Variants in VPS13B observed in about 807,000 individuals in gnomAD.
VPS13B encodes the protein intermembrane lipid transfer protein VPS13B.
A neutral mutation model predicts 426.4 loss-of-function variants in VPS13B; 285 were observed. The ratio of observed to expected loss-of-function variants is 0.67; its 90% CI spans 0.61 to 0.74. The LOEUF (loss-of-function observed/expected upper bound fraction) is 0.74, where lower values mean the gene tolerates loss of function less well. Among genes scored for constraint, VPS13B ranks in the 30% least tolerant of loss-of-function variants. VPS13B has a pLI of 0.00. For missense variants in VPS13B, 4,537 were observed against 4,782.6 expected, an observed-to-expected ratio of 0.95 and a Z score of 1.51; for synonymous variants, 1,676 against 1,676.4, an observed-to-expected ratio of 1.00 and a Z score of 0.01.
At chr8:99,362,933 T>C (rs754452589) in intron 19 of VPS13B, among the ~76,000 whole-genome samples, 4 of 152,204 alleles carry the variant, frequency 2.6e-5, no homozygotes, top group African/African-American at 4.8e-5. Context: ...GTCAGATGAG[T>C]AGTTTGCAAA....
intron 30 of VPS13B, among the ~76,000 whole-genome samples, chr8:99,524,758 G>A (rs912281383): frequency 2.6e-5 from 4 of 152,050 alleles, no homozygotes; most frequent in South Asian, 2.1e-4. Context: ...ATACCCCCAC[G>A]CTCCAGCCTG....
chr8:99,506,885 C>G (rs1821527618), intron 27 of VPS13B, among the ~76,000 whole-genome samples: 1 of 152,166 alleles, frequency 6.6e-6, no homozygotes, highest in Non-Finnish European at 1.5e-5. Flanking sequence ...ATAGATGTTA[C>G]TCTTATCGAG....
intron 36 of VPS13B, 123 bp downstream of exon 36, chr8:99,700,055 A>G (rs1048808299): frequency 1.6e-6 from 2 of 1,212,194 alleles, no homozygotes; most frequent in Non-Finnish European, 2.3e-6. Flanking sequence ...GCCATTAGAG[A>G]TGAGGACATT....
At chr8:99,082,893 C>T (rs1050532314) in intron 3 of VPS13B, among the ~76,000 whole-genome samples, 8 of 152,108 alleles carry the variant, frequency 5.3e-5, no homozygotes, top group African/African-American at 9.7e-5. Context: ...AGTCAGGTAG[C>T]CTGATGCCTC....
At chr8:99,360,821 C>T (rs1812519168) in intron 19 of VPS13B, among the ~76,000 whole-genome samples, 1 of 152,094 alleles carries the variant, frequency 6.6e-6, no homozygotes, top group Non-Finnish European at 1.5e-5. Context: ...AGTTCTTAGT[C>T]ATTTTCAAAA....
chr8:99,104,693 G>T (rs1563542533), intron 5 of VPS13B, among the ~76,000 whole-genome samples: 1 of 151,568 alleles, frequency 6.6e-6, no homozygotes, highest in Non-Finnish European at 1.5e-5. Flanking sequence ...GTGCTACCTT[G>T]GCTCACTGCA....
chr8:99,766,865 T>C lies in VPS13B; in HGVS notation c.7142T>C (p.Leu2381Pro), dbSNP rs746925665. The C allele has an allele frequency of 1.9e-6, 3 of 1,614,080 alleles. No individual in the cohort carries two copies. The highest frequency in any genetic ancestry group is 2.5e-6 in the Non-Finnish European group (3 of 1,179,966). Residue 2381 changes from leucine (L) to proline (P), a missense_variant, in exon 40 of 62, where the codon CTG (leucine) becomes CCG (proline). Physicochemically the swap from Leu to Pro is moderately conservative, Grantham distance 98. Around this residue, in one of 2 missense-constraint regions of VPS13B, gnomAD observed 4,311 missense variants for 4,474.3 expected, o/e 0.96. Transcript: ENST00000357162. ...FNLSESKVCE[L>P]QLPDINLVND... ...CTGTCTGAAAGCAAAGTTTGTGAAC[T>C]GCAGTTGCCGGATATCAATCTCGTG...
At chr8:99,559,682 G>C (rs1486254086) in intron 31 of VPS13B, among the ~76,000 whole-genome samples, 1 of 152,098 alleles carries the variant, frequency 6.6e-6, no homozygotes. Flanking sequence ...CCCATTGCTT[G>C]TTTTTGTCAG....
chr8:99,704,973 G>A (rs1002624002), intron 36 of VPS13B, among the ~76,000 whole-genome samples: 4 of 152,084 alleles, frequency 2.6e-5, no homozygotes, highest in East Asian at 1.9e-4. Flanking sequence ...GTAGAGGTGC[G>A]TTTATGGTTT....
intron 17 of VPS13B, chr8:99,233,487 A>G (rs1816465038): frequency 1.5e-6 from 2 of 1,313,638 alleles, no homozygotes; most frequent in Non-Finnish European, 1.1e-6. Flanking sequence ...AGAGATTCAC[A>G]ATCTCCTGCT....
chr8:99,490,571 A>G (rs1820551840), intron 25 of VPS13B, among the ~76,000 whole-genome samples: 1 of 152,112 alleles, frequency 6.6e-6, no homozygotes, highest in Admixed American at 6.5e-5. Flanking sequence ...TTTTGCCTCA[A>G]TTTCAGAGCC....
chr8:99,539,306 A>G (rs565193097), intron 30 of VPS13B, among the ~76,000 whole-genome samples: 25 of 152,346 alleles, frequency 1.6e-4, no homozygotes, highest in Admixed American at 2.6e-4. Flanking sequence ...TACAACATGT[A>G]TAATTCAAAA....
intron 30 of VPS13B, among the ~76,000 whole-genome samples, chr8:99,522,500 T>C (rs1250532019): frequency 6.6e-6 from 1 of 152,216 alleles, no homozygotes; most frequent in Admixed American, 6.5e-5. Flanking sequence ...TGCAACTTTT[T>C]TTCAGTCATC....
At position 99,380,845 on chromosome 8, in the gene VPS13B, C is replaced by T. The variant is rs187457274; in HGVS notation, c.2825-3363C>T. Among the ~76,000 whole-genome samples the T allele has an allele frequency of 1.1e-3, 170 of 150,812 alleles. 5 individuals are homozygous for T. The East Asian group carries it at 0.022, about 19-fold the overall frequency. ...TTATTCTGACATATACTTTTTGTAGCCCCCTACCATCAGGCAGATACTTTT... is the reference window on the plus strand; with the variant it reads ...TTATTCTGACATATACTTTTTGTAGTCCCCTACCATCAGGCAGATACTTTT... On this transcript the variant is annotated intron_variant, in intron 19 of 61. Transcript: ENST00000357162.
chr8:99,723,718 GC>G (rs1331648868), intron 39 of VPS13B, among the ~76,000 whole-genome samples: 23 of 152,136 alleles, frequency 1.5e-4, no homozygotes, highest in African/African-American at 5.3e-4. Flanking sequence ...ACACAGCCTG[GC>G]AGATTTCAGC....
chr8:99,409,993 A>G (rs918987958), intron 21 of VPS13B, among the ~76,000 whole-genome samples: 3 of 152,204 alleles, frequency 2.0e-5, no homozygotes, highest in African/African-American at 7.2e-5. Context: ...AAAGGCATAC[A>G]GAGTGGTATA....
intron 44 of VPS13B, among the ~76,000 whole-genome samples, chr8:99,810,420 G>A (rs1813638667): frequency 6.6e-6 from 1 of 152,216 alleles, no homozygotes; most frequent in Admixed American, 6.5e-5. Context: ...AGCAGCAGGG[G>A]CTATTCTGTT....
chr8:99,352,710 G>C (rs2133215185), intron 19 of VPS13B, among the ~76,000 whole-genome samples: 2 of 151,744 alleles, frequency 1.3e-5, no homozygotes, highest in East Asian at 4.0e-4. Flanking sequence ...TCTAATCCTA[G>C]ATATTCAAGA....
At chr8:99,237,014 A>G (rs1816688355) in intron 17 of VPS13B, among the ~76,000 whole-genome samples, 1 of 152,154 alleles carries the variant, frequency 6.6e-6, no homozygotes, top group Non-Finnish European at 1.5e-5. Flanking sequence ...TAAGTCTTAC[A>G]AGATCTGATG....
Sources: allele counts gnomAD v4.1 joint callset (sites outside exome capture counted in the v4.1 genomes callset), GRCh38; gene constraint gnomAD v4.1.1; regional missense constraint gnomAD v4.1.1; transcripts MANE v1.5; gene names NCBI Gene and HGNC (gene_info 2026-07-23, HGNC 2026-07-21).